The following BRSK2 variants were observed in gnomAD, a reference collection of about 807,000 sequenced individuals.
BRSK2 encodes serine/threonine-protein kinase BRSK2.
In BRSK2, 19 loss-of-function variants were observed where a neutral mutation model predicts 83.3. The ratio of observed to expected loss-of-function variants is 0.23; its 90% CI spans 0.16 to 0.33. The LOEUF (loss-of-function observed/expected upper bound fraction) is 0.33. Among genes scored for constraint, BRSK2 ranks in the 10% least tolerant of loss-of-function variants. BRSK2 has a pLI of 1.00. For missense variants in BRSK2, 798 were observed against 1,042.3 expected (o/e 0.77, Z 3.23); for synonymous variants, 519 against 435.4 (o/e 1.19, Z -2.39).
intron 1 of BRSK2, among the ~76,000 whole-genome samples, chr11:1,395,925 A>G (rs1846052319): frequency 6.6e-6 from 1 of 152,176 alleles, no homozygotes; most frequent in African/African-American, 2.4e-5. Context: ...TGGGGAATGC[A>G]GGGCCTGGGC....
intron 15 of BRSK2, 128 bp downstream of exon 15, chr11:1,451,547 A>G: frequency 1.0e-6 from 1 of 984,762 alleles, no homozygotes; most frequent in Non-Finnish European, 1.6e-6. Context: ...CACTGCAGGC[A>G]GGCCCGTCTC....
chr11:1,428,432 C>T (rs1323167749), intron 1 of BRSK2, among the ~76,000 whole-genome samples: 2 of 152,224 alleles, frequency 1.3e-5, no homozygotes, highest in East Asian at 1.9e-4. Context: ...TCCTCACAGC[C>T]CTTCTGAGCC....
At chr11:1,437,283 C>G (rs1041841591) in intron 2 of BRSK2, among the ~76,000 whole-genome samples, 1 of 152,134 alleles carries the variant, frequency 6.6e-6, no homozygotes, top group Non-Finnish European at 1.5e-5. Context: ...GACTTGGGGA[C>G]AGGCTGGCCA....
At chr11:1,436,828 C>T (rs1850372055) in intron 2 of BRSK2, among the ~76,000 whole-genome samples, 1 of 151,992 alleles carries the variant, frequency 6.6e-6, no homozygotes, top group Non-Finnish European at 1.5e-5. Flanking sequence ...GCATGCAGGG[C>T]TGCGGGTGGG....
At chr11:1,450,944 C>T (rs376698876) in intron 14 of BRSK2, 150 bp downstream of exon 14, 35 of 719,476 alleles carry the variant, frequency 4.9e-5, no homozygotes, top group African/African-American at 2.0e-4. Context: ...GTCCCGAAAG[C>T]GCCCAGCAGC....
chr11:1,416,550 G>A (rs1034929854), intron 1 of BRSK2, among the ~76,000 whole-genome samples: 4 of 152,108 alleles, frequency 2.6e-5, no homozygotes, highest in African/African-American at 4.8e-5. Flanking sequence ...AACTACCGGC[G>A]GTTGTATTTA....
chr11:1,456,696 G>A lies in BRSK2; in HGVS notation c.1939+9G>A, dbSNP rs751218451. 1 of 1,586,512 alleles carries A rather than the reference G, an allele frequency of 6.3e-7. No homozygotes were observed. Among genetic ancestry groups the A allele is most frequent in the Non-Finnish European group, 8.6e-7 (1 of 1,167,872 alleles). ...GGCCCAGCACTTGTCAGGTGAGGCGGGCTCAGCTCCGGCCAACCTGCGGCC... is the reference window on the plus strand; with the variant it reads ...GGCCCAGCACTTGTCAGGTGAGGCGAGCTCAGCTCCGGCCAACCTGCGGCC... On this transcript the variant is annotated intron_variant, in intron 18 of 19. Transcript: ENST00000528841.
At position 1,390,789 on chromosome 11, in the gene BRSK2, G is replaced by A. The variant is rs1341425247; in HGVS notation, c.91+414G>A. Among the ~76,000 whole-genome samples the A allele has an allele frequency of 1.3e-5, 2 of 151,986 alleles. No homozygotes were observed. Among genetic ancestry groups the A allele is most frequent in the African/African-American group, 2.4e-5 (1 of 41,424 alleles). ...GGCCGCGCTAATAGGCGTGCTGCCCGAGCAGCTGCGCCCCCGGCGGGACTC... is the reference window on the plus strand; with the variant it reads ...GGCCGCGCTAATAGGCGTGCTGCCCAAGCAGCTGCGCCCCCGGCGGGACTC... On this transcript the variant is annotated intron_variant, in intron 1 of 19. Transcript: ENST00000528841. The surrounding 1 kb of genome is among the most constrained non-coding windows in gnomAD (Gnocchi z 6.8).
At chr11:1,441,028 G>A (rs961789904) in intron 4 of BRSK2, 100 bp downstream of exon 4, 1 of 1,038,684 alleles carries the variant, frequency 9.6e-7, no homozygotes, top group Non-Finnish European at 1.4e-6. Context: ...ACCCCCTATG[G>A]TGCTATTCCG....
intron 1 of BRSK2, among the ~76,000 whole-genome samples, chr11:1,406,927 C>T (rs1355026750): frequency 6.6e-6 from 1 of 152,124 alleles, no homozygotes; most frequent in Non-Finnish European, 1.5e-5. Context: ...TGTGGTGCGT[C>T]TGCATGTGCA....
chr11:1,410,718 G>GCTCCTA (rs1847384716), intron 1 of BRSK2: 1 of 985,294 alleles, frequency 1.0e-6, no homozygotes, highest in Non-Finnish European at 1.2e-6. Context: ...TGCCTAGGGT[G>GCTCCTA]GGACCATGGG....
At position 1,454,353 on chromosome 11, in the gene BRSK2, G is replaced by C; in HGVS notation, c.1545-132G>C. 1.8e-6 allele frequency: 2 copies of C among 1,098,956 alleles called. No individual in the cohort carries two copies. Among genetic ancestry groups the C allele is most frequent in the East Asian group, 2.4e-5 (1 of 41,742 alleles). The allele number at this position is 1,098,956 out of a possible 1,614,324, so 68.1% of individuals were successfully genotyped here. On this transcript the variant is annotated intron_variant, in intron 15 of 19. Transcript: ENST00000528841. This position sits in a 1 kb window ranked among gnomAD's most constrained non-coding sequence, Gnocchi z 5.2. ...GGGTCAGGGCCATGGGTTCTGGCTA[G>C]CACTGTGGAGACAGCCGTTTCTATC...
chr11:1,445,312 C>T lies in BRSK2; in HGVS notation c.831C>T (p.Pro277=), dbSNP rs201409224. The T allele has an allele frequency of 7.5e-4, 1,207 of 1,610,162 alleles. 1 individual carries two copies. The highest frequency in any genetic ancestry group is 1.2e-3 in the Admixed American group (73 of 59,810). The change falls in exon 10 of 20, where the codon CCC becomes CCT. Residue 277 remains proline (P), a synonymous_variant. Transcript: ENST00000528841. ...TCCACAGAGGGGGCAAGAATGAGCC[C>T]GAACCAGAGCAGCCCATTCCTCGCA... ...HIWYIGGKNE[P]EPEQPIPRKV...
In BRSK2 at chr11:1,460,460, CCTTTTTTTTT is replaced by C. The variant is rs768141360; in HGVS notation, c.1988-39_1988-30del. 3.5e-3 allele frequency: 3,885 copies of C among 1,122,750 alleles called. 57 individuals carry two copies. The highest frequency in any genetic ancestry group is 0.015 in the South Asian group (555 of 36,440). The allele number at this position is 1,122,750 out of a possible 1,614,324, so 69.5% of individuals were successfully genotyped here. On this transcript the variant is annotated intron_variant, in intron 19 of 19. Coordinates refer to ENST00000528841, the MANE Select transcript of BRSK2 (RefSeq NM_001256627.2). ...TCTCTCCCCCTTTTTTTTCTTTTTT[CCTTTTTTTTT>C]TTTTTTTTGTCTCTGTTCTGTGTAC... is the stretch of plus-strand genomic sequence containing the variant.
At chr11:1,426,943 C>T (rs1486402228) in intron 1 of BRSK2, among the ~76,000 whole-genome samples, 1 of 152,126 alleles carries the variant, frequency 6.6e-6, no homozygotes, top group Non-Finnish European at 1.5e-5. Flanking sequence ...GGGCGGCACC[C>T]CAGGCTGTCC....
In BRSK2 at chr11:1,460,782, C is replaced by A; in HGVS notation, c.*59C>A. The A allele has an allele frequency of 6.9e-7, 1 of 1,439,078 alleles. No homozygotes were observed. Among genetic ancestry groups the A allele is most frequent in the African/African-American group, 1.5e-5 (1 of 67,048 alleles). The allele number at this position is 1,439,078 out of a possible 1,614,324, so 89.1% of individuals were successfully genotyped here. A position where few individuals can be genotyped will look rare whatever the true frequency, so the allele number is the denominator to read the frequency against. The stretch of plus-strand genomic sequence containing the variant: ...CAGCGGCTGCCTCGCCGCCCGCCGC[C>A]CGCCCTGCCCCGAGTGGACCCGCGG... On this transcript the variant is annotated 3_prime_UTR_variant, in exon 20 of 20. Transcript: ENST00000528841.
intron 8 of BRSK2, 85 bp downstream of exon 8, chr11:1,443,720 G>GCA: frequency 7.0e-7 from 1 of 1,420,094 alleles, no homozygotes; most frequent in Non-Finnish European, 9.2e-7. Flanking sequence ...ACAGGTGTGT[G>GCA]CCCAGACGTG....
At chr11:1,460,462 T>TGA in intron 19 of BRSK2, 38 bp from the exon 20 acceptor site, 4 of 13,170 alleles carry the variant, frequency 3.0e-4, no homozygotes, top group Non-Finnish European at 5.6e-4. Context: ...TCTTTTTTCC[T>TGA]TTTTTTTTTT....
intron 1 of BRSK2, among the ~76,000 whole-genome samples, chr11:1,392,314 C>T (rs752609948): frequency 2.6e-5 from 4 of 152,212 alleles, no homozygotes; most frequent in Admixed American, 2.0e-4. Flanking sequence ...CACCCGAGGA[C>T]GATCTGATCC....
Sources: gnomAD v4.1 joint callset for allele counts (sites outside exome capture counted in the v4.1 genomes callset) on GRCh38, gnomAD v4.1.1 for gene constraint, Gnocchi (gnomAD v3.1) non-coding constraint, MANE v1.5 for transcripts, NCBI Gene and HGNC (gene_info 2026-07-23, HGNC 2026-07-21) for gene names.